Variants in C16orf89 observed in about 807,000 individuals in gnomAD.
C16orf89 encodes the protein chromosome 16 open reading frame 89, also known as UPF0764 protein C16orf89.
In C16orf89, 57 loss-of-function variants were observed where a neutral mutation model predicts 41.5. The observed-to-expected ratio is 1.38, with a 90% CI of 1.11 to 1.71. C16orf89 has a LOEUF of 1.71. Among genes scored for constraint, C16orf89 ranks in the 40% most tolerant of loss-of-function variants. The pLI is 0.00. For synonymous variants in C16orf89, 223 were observed against 190.6 expected (o/e 1.17, Z -1.40); for missense variants, 575 against 445.9 (o/e 1.29, Z -2.61).
At chr16:5,062,369 T>C in intron 2 of C16orf89, 56 bp downstream of exon 2, 3 of 1,527,638 alleles carry the variant, frequency 2.0e-6, no homozygotes, top group Non-Finnish European at 2.6e-6. Flanking sequence ...GTTATTTCAG[T>C]CAATATCCCC....
At chr16:5,061,699 G>T (rs547384430) in intron 2 of C16orf89, among the ~76,000 whole-genome samples, 2 of 152,228 alleles carry the variant, frequency 1.3e-5, no homozygotes, top group South Asian at 2.1e-4. Flanking sequence ...AATTGGAAAG[G>T]TCAGCATGGG....
chr16:5,064,367 G>A (rs181592943), intron 1 of C16orf89, among the ~76,000 whole-genome samples: 81 of 152,300 alleles, frequency 5.3e-4, no homozygotes, highest in African/African-American at 1.7e-3. Flanking sequence ...AGTCAAGGAT[G>A]CTCAATGCTT....
intron 4 of C16orf89, among the ~76,000 whole-genome samples, chr16:5,056,956 A>G (rs886727538): frequency 1.3e-5 from 2 of 152,006 alleles, no homozygotes; most frequent in Admixed American, 1.3e-4. Context: ...AGAAATATAT[A>G]TGGCCAGGCA....
downstream of C16orf89, chr16:5,042,841 A>G (rs1254979640): frequency 6.6e-6 from 1 of 152,258 alleles, no homozygotes; most frequent in Admixed American, 6.5e-5. The surrounding 1 kb of genome is among the most constrained non-coding windows in gnomAD (Gnocchi z 4.2). Context: ...ATATAGTCAC[A>G]CTGAGTCAGA....
intron 2 of C16orf89, among the ~76,000 whole-genome samples, 194 bp downstream of exon 2, chr16:5,062,231 C>T (rs1377053430): frequency 2.6e-5 from 4 of 152,288 alleles, no homozygotes; most frequent in African/African-American, 7.2e-5. Flanking sequence ...GGTAGGAGAG[C>T]CCGTCAGAGT....
At chr16:5,055,514 G>A in intron 5 of C16orf89, 164 bp from the exon 6 acceptor site, 1 of 956,338 alleles carries the variant, frequency 1.0e-6, no homozygotes, top group Non-Finnish European at 1.6e-6. Context: ...GCCTTTGCCT[G>A]ACCAACTAGG....
rs781087426 is a variant in C16orf89 at position 5,062,503 on chromosome 16, T to C, written c.280A>G (p.Met94Val). ...GCAGCCTCCAGCTTCTCCCCCAGCATCCCCACGCGCAGGCTCAGCGGCTGC... is the reference window on the plus strand; with the variant it reads ...GCAGCCTCCAGCTTCTCCCCCAGCACCCCCACGCGCAGGCTCAGCGGCTGC... ...LLQPLSLRVG[M>V]LGEKLEAAIQ... is the part of the protein sequence containing the mutation. Residue 94 changes from methionine (M) to valine (V), a missense_variant, in exon 2 of 8, where the codon ATG (methionine) becomes GTG (valine). By Grantham distance (21) the Met-to-Val change is conservative (BLOSUM62 1). Transcript: ENST00000472572. 1 of 1,613,938 alleles carries C rather than the reference T, an allele frequency of 6.2e-7. No individual in the cohort carries two copies. The highest frequency in any genetic ancestry group is 8.5e-7 in the Non-Finnish European group (1 of 1,179,888).
At chr16:5,062,323 C>G in intron 2 of C16orf89, 102 bp downstream of exon 2, 14 of 1,394,544 alleles carry the variant, frequency 1.0e-5, no homozygotes, top group Non-Finnish European at 1.3e-5. Context: ...TACGGACTGT[C>G]CCAGCCCAGC....
chr16:5,052,843 C>T (rs950803504), intron 6 of C16orf89, among the ~76,000 whole-genome samples: 5 of 152,180 alleles, frequency 3.3e-5, no homozygotes, highest in Admixed American at 2.0e-4. Flanking sequence ...TTTATTGCAG[C>T]GCTATTCACA....
intron 2 of C16orf89, among the ~76,000 whole-genome samples, chr16:5,061,671 G>A (rs1956630136): frequency 6.6e-6 from 1 of 152,070 alleles, no homozygotes. Context: ...AGGCCTGGGA[G>A]AGGGTGGGGG....
intron 6 of C16orf89, among the ~76,000 whole-genome samples, chr16:5,050,365 C>G (rs1956374616): frequency 6.7e-6 from 1 of 149,726 alleles, no homozygotes; most frequent in African/African-American, 2.5e-5. Flanking sequence ...AAGACTCTGT[C>G]TCCAAAAAAA....
intron 6 of C16orf89, among the ~76,000 whole-genome samples, chr16:5,050,850 C>A (rs1866248924): frequency 6.6e-6 from 1 of 152,188 alleles, no homozygotes; most frequent in African/African-American, 2.4e-5. Context: ...AAAAATCATT[C>A]ATCATGAACA....
rs1596694491 is a variant in C16orf89 at position 5,055,667 on chromosome 16, T to C, written c.764-317A>G. On this transcript the variant is annotated intron_variant, in intron 5 of 7. Coordinates refer to ENST00000472572, the MANE Select transcript of C16orf89 (RefSeq NM_001098514.3). ...TGTCTGCCTCATCCATAAGGCTTTGTGGGTCTGTCTGCCAGTCACCTGGTC... is the reference window on the plus strand; with the variant it reads ...TGTCTGCCTCATCCATAAGGCTTTGCGGGTCTGTCTGCCAGTCACCTGGTC... 17 of 1,531,178 alleles carry C rather than the reference T, an allele frequency of 1.1e-5. No individual in the cohort carries two copies. The East Asian group carries it at 4.2e-4, about 37-fold the overall frequency. The allele number at this position is 1,531,178 out of a possible 1,614,324, so 94.8% of individuals were successfully genotyped here.
chr16:5,062,447 C>G lies in C16orf89; in HGVS notation c.336G>C (p.Leu112=), dbSNP rs769269457. ...CACCTCTTAGGTACTTGGGATCACT[C>G]AGCTTGAGGTAGTGGAGGGATCTCT... ...AIQRSLHYLK[L]SDPKYLREFQ... Residue 112 remains leucine, a synonymous_variant, in exon 2 of 8, where the codon CTG becomes CTC. Transcript: ENST00000472572. 1.2e-6 allele frequency: 2 copies of G among 1,613,660 alleles called. No individual in the cohort carries two copies. The highest frequency in any genetic ancestry group is 1.7e-5 in the Admixed American group (1 of 59,882).
intron 7 of C16orf89, 96 bp from the exon 8 acceptor site, chr16:5,044,574 G>A (rs1049209416): frequency 1.3e-6 from 2 of 1,550,522 alleles, no homozygotes; most frequent in South Asian, 1.2e-5. Flanking sequence ...CAGACGCGGT[G>A]GCTCACACCT....
chr16:5,060,487 C>A, intron 2 of C16orf89, 51 bp from the exon 3 acceptor site: 1 of 1,548,538 alleles, frequency 6.5e-7, no homozygotes, highest in Non-Finnish European at 8.8e-7. Flanking sequence ...GACCCAGGAG[C>A]AGTGGGCCAC....
chr16:5,043,073 GT>G (rs113726152), downstream of C16orf89: 10 of 147,850 alleles, frequency 6.8e-5, no homozygotes, highest in South Asian at 2.2e-4. Flanking sequence ...GCTGGGTTTT[GT>G]TTTTTTTTTG....
chr16:5,060,743 T>A (rs1272201546), intron 2 of C16orf89, among the ~76,000 whole-genome samples: 3 of 152,102 alleles, frequency 2.0e-5, no homozygotes, highest in Non-Finnish European at 4.4e-5. Context: ...CTCACGCCTG[T>A]CATCCCAGCA....
At chr16:5,059,251 AAAAT>A (rs894856981) in intron 3 of C16orf89, among the ~76,000 whole-genome samples, 2 of 151,920 alleles carry the variant, frequency 1.3e-5, no homozygotes, top group African/African-American at 2.4e-5. Context: ...ACTCCATCTC[AAAAT>A]AAATAAATAA....
Sources: gnomAD v4.1 joint callset for allele counts (sites outside exome capture counted in the v4.1 genomes callset) on GRCh38, gnomAD v4.1.1 for gene constraint, Gnocchi (gnomAD v3.1) non-coding constraint, MANE v1.5 for transcripts, NCBI Gene and HGNC (gene_info 2026-07-23, HGNC 2026-07-21) for gene names.